The following NPAS3 variants were observed in gnomAD, a reference collection of about 807,000 sequenced individuals.
NPAS3 encodes neuronal PAS domain-containing protein 3.
NPAS3 carries 14 observed loss-of-function variants against 73.1 expected under a neutral mutation model. The observed-to-expected ratio is 0.19, with a 90% CI of 0.13 to 0.30. The LOEUF (loss-of-function observed/expected upper bound fraction) is 0.30. Among genes scored for constraint, NPAS3 ranks in the 10% least tolerant of loss-of-function variants. The pLI, the probability that NPAS3 is intolerant of heterozygous loss-of-function variation, is 1.00. For missense variants in NPAS3, 1,096 were observed against 1,250.0 expected (o/e 0.88, Z 1.86); for synonymous variants, 620 against 541.5 (o/e 1.14, Z -2.01).
At chr14:33,473,432 G>A (rs774675759) in intron 4 of NPAS3, among the ~76,000 whole-genome samples, 11 of 152,240 alleles carry the variant, frequency 7.2e-5, no homozygotes, top group Admixed American at 3.3e-4. Context: ...CACCTAATTG[G>A]AATGTTTTCT....
intron 2 of NPAS3, among the ~76,000 whole-genome samples, chr14:33,198,345 G>A (rs914342225): frequency 5.9e-5 from 9 of 151,296 alleles, no homozygotes; most frequent in Admixed American, 1.3e-4. Flanking sequence ...TTTACAGAGC[G>A]CTGATTGGTC....
chr14:33,313,710 T>G (rs1421198465), intron 3 of NPAS3, among the ~76,000 whole-genome samples: 1 of 152,100 alleles, frequency 6.6e-6, no homozygotes, highest in Admixed American at 6.6e-5. Context: ...AACTTTAAAC[T>G]TGAATCACTC....
intron 4 of NPAS3, among the ~76,000 whole-genome samples, chr14:33,523,175 G>A (rs2053634008): frequency 6.6e-6 from 1 of 152,096 alleles, no homozygotes; most frequent in Admixed American, 6.6e-5. Context: ...CATTGGGATA[G>A]GTACTGTACT....
chr14:33,759,805 C>T lies in NPAS3; in HGVS notation c.853-14532C>T, dbSNP rs11628242. 9.6e-3 allele frequency among the ~76,000 whole-genome samples: 1,459 copies of T among 152,160 alleles called. 10 individuals are homozygous for T. The highest frequency in any genetic ancestry group is 0.015 in the South Asian group (73 of 4,828). On this transcript the variant is annotated intron_variant, in intron 7 of 11. Coordinates refer to ENST00000356141, the Ensembl canonical transcript of NPAS3. ...AAATACTTCCAATTGTCCTTTTAGA[C>T]GTGGATTAAAAAGAAATCAAAGATC...
intron 5 of NPAS3, among the ~76,000 whole-genome samples, chr14:33,573,667 G>A (rs1355717492): frequency 6.6e-6 from 1 of 152,212 alleles, no homozygotes; most frequent in Non-Finnish European, 1.5e-5. Context: ...GGCCAATTTG[G>A]AAAGGGTGTC....
intron 1 of NPAS3, among the ~76,000 whole-genome samples, chr14:32,954,614 A>C (rs1370670113): frequency 1.3e-5 from 2 of 152,080 alleles, no homozygotes; most frequent in African/African-American, 2.4e-5. Context: ...ATTCTGCATC[A>C]TACTGTTTTT....
At chr14:32,999,787 C>T (rs757469629) in intron 1 of NPAS3, among the ~76,000 whole-genome samples, 1 of 151,598 alleles carries the variant, frequency 6.6e-6, no homozygotes, top group Non-Finnish European at 1.5e-5. Context: ...TGTTTTTTTC[C>T]CCCTTAAGAT....
chr14:33,560,091 C>A, intron 4 of NPAS3, 30 bp from the exon 5 acceptor site: 1 of 776,054 alleles, frequency 1.3e-6, no homozygotes, highest in Non-Finnish European at 2.2e-6. Context: ...ATTTATTAAT[C>A]TATTTATATA....
intron 5 of NPAS3, among the ~76,000 whole-genome samples, chr14:33,571,386 C>G (rs2056209155): frequency 6.6e-6 from 1 of 152,032 alleles, no homozygotes; most frequent in African/African-American, 2.4e-5. Context: ...AGGAGGGGAG[C>G]CTGGCGAAGT....
chr14:33,803,502 T>C (rs183275367), downstream of NPAS3: 1 of 152,146 alleles, frequency 6.6e-6, no homozygotes, highest in Admixed American at 6.5e-5. Flanking sequence ...AGAAGGCCGA[T>C]GGAGAAATTT....
intron 3 of NPAS3, among the ~76,000 whole-genome samples, chr14:33,291,919 C>G (rs8009585): frequency 0.27 from 40,551 of 152,154 alleles, 6,066 homozygotes; most frequent in African/African-American, 0.4. Flanking sequence ...CAAAGCCATT[C>G]CTTGTTCTCA....
intron 3 of NPAS3, among the ~76,000 whole-genome samples, chr14:33,294,466 G>A (rs1470329046): frequency 1.3e-5 from 2 of 152,088 alleles, no homozygotes; most frequent in Non-Finnish European, 2.9e-5. Flanking sequence ...TACACTCTCA[G>A]TGGCTCAATT....
intron 1 of NPAS3, among the ~76,000 whole-genome samples, chr14:33,049,034 T>A (rs577058731): frequency 6.6e-6 from 1 of 152,200 alleles, no homozygotes; most frequent in African/African-American, 2.4e-5. Flanking sequence ...CCTTCTGTGA[T>A]TAGGAGCTTT....
intron 2 of NPAS3, among the ~76,000 whole-genome samples, chr14:33,168,405 C>T (rs1250920606): frequency 1.3e-5 from 2 of 152,176 alleles, no homozygotes; most frequent in Non-Finnish European, 2.9e-5. Context: ...CCCCATCAGA[C>T]ATCCTCAGAT....
intron 2 of NPAS3, among the ~76,000 whole-genome samples, chr14:33,068,900 A>G (rs559665875): frequency 6.6e-6 from 1 of 152,188 alleles, no homozygotes; most frequent in South Asian, 2.1e-4. Context: ...AGCAAGGAGG[A>G]CAGTGGCAGG....
intron 1 of NPAS3, among the ~76,000 whole-genome samples, chr14:32,946,827 TA>T (rs535877405): frequency 3.9e-5 from 6 of 152,054 alleles, no homozygotes; most frequent in Non-Finnish European, 7.4e-5. Flanking sequence ...ATATTGAAGA[TA>T]AAAAACAAAA....
intron 4 of NPAS3, among the ~76,000 whole-genome samples, chr14:33,368,485 G>A (rs1251927087): frequency 6.6e-6 from 1 of 152,056 alleles, no homozygotes. Flanking sequence ...GGAATTTGTG[G>A]TTTTTAACAG....
At position 32,967,401 on chromosome 14, in the gene NPAS3, A is replaced by G. The variant is rs72674197; in HGVS notation, c.50+28035A>G. 4.1e-4 allele frequency among the ~76,000 whole-genome samples: 62 copies of G among 152,324 alleles called. 1 individual carries two copies. The highest frequency in any genetic ancestry group is 7.1e-4 in the Non-Finnish European group (48 of 68,016). ...TTAGTAGTTAAGTCTTTGGAGAGTCAGAAGTTATACACAGATTTTCAACTT... is the reference window on the plus strand; with the variant it reads ...TTAGTAGTTAAGTCTTTGGAGAGTCGGAAGTTATACACAGATTTTCAACTT... On this transcript the variant is annotated intron_variant, in intron 1 of 11. Transcript: ENST00000356141.
At chr14:33,256,558 G>A (rs1024550085) in intron 3 of NPAS3, among the ~76,000 whole-genome samples, 2 of 152,144 alleles carry the variant, frequency 1.3e-5, no homozygotes, top group African/African-American at 4.8e-5. Flanking sequence ...AATCCAGGGA[G>A]ACCCTTTCAA....
Sources: gnomAD v4.1 joint callset for allele counts (sites outside exome capture counted in the v4.1 genomes callset) on GRCh38, gnomAD v4.1.1 for gene constraint, MANE v1.5 for transcripts, NCBI Gene and HGNC (gene_info 2026-07-23, HGNC 2026-07-21) for gene names.